Variants in LIFR observed in about 807,000 individuals in gnomAD.
LIFR encodes the protein leukemia inhibitory factor receptor.
LIFR carries 84 observed loss-of-function variants against 122.2 expected under a neutral mutation model. The ratio of observed to expected loss-of-function variants is 0.69; its 90% CI spans 0.58 to 0.82. The LOEUF is 0.82. Among genes scored for constraint, LIFR ranks in the 40% least tolerant of loss-of-function variants. The pLI is 0.00. For missense variants in LIFR, 1,294 were observed against 1,311.6 expected, an observed-to-expected ratio of 0.99 and a Z score of 0.21; for synonymous variants, 422 against 434.7, an observed-to-expected ratio of 0.97 and a Z score of 0.36.
intron 7 of LIFR, among the ~76,000 whole-genome samples, chr5:38,507,555 C>G (rs1256263022): frequency 1.9e-5 from 2 of 103,442 alleles, no homozygotes; most frequent in Non-Finnish European, 3.9e-5. Flanking sequence ...CAGAGCGATA[C>G]TCCGTCTCAA....
intron 1 of LIFR, among the ~76,000 whole-genome samples, chr5:38,592,245 A>C (rs1178940020): frequency 6.6e-6 from 1 of 152,174 alleles, no homozygotes; most frequent in African/African-American, 2.4e-5. Flanking sequence ...GGGAGTATAG[A>C]GTTTTAAACA....
chr5:38,542,102 A>C (rs935342990), intron 1 of LIFR, among the ~76,000 whole-genome samples: 5 of 152,192 alleles, frequency 3.3e-5, no homozygotes, highest in African/African-American at 1.2e-4. Context: ...TGAAACATAA[A>C]TTATGATTGT....
intron 5 of LIFR, 82 bp downstream of exon 5, chr5:38,523,337 A>G: frequency 8.9e-7 from 1 of 1,124,160 alleles, no homozygotes; most frequent in Non-Finnish European, 1.3e-6. Flanking sequence ...CCAAAAGTTC[A>G]CTGATACCAC....
rs535694856 is a variant in LIFR, at chr5:38,526,917, G to C, written c.397+238C>G. On this transcript the variant is annotated intron_variant, in intron 4 of 19. Coordinates refer to ENST00000453190, the MANE Select transcript of LIFR (RefSeq NM_001127671.2). ...CTGGAAGGTACGCAGGAGTCAAGGG[G>C]GCTAAAGAAAGAGTATGGAACTGAG... 4.9e-4 allele frequency among the ~76,000 whole-genome samples: 74 copies of C among 152,218 alleles called. 1 individual carries two copies. The South Asian group carries it at 0.014, about 29-fold the overall frequency.
chr5:38,541,435 G>T (rs748946446), intron 1 of LIFR, among the ~76,000 whole-genome samples: 1 of 152,120 alleles, frequency 6.6e-6, no homozygotes, highest in Non-Finnish European at 1.5e-5. Context: ...GAAAAGCAAG[G>T]ATCAGAAACA....
At chr5:38,600,264 C>A (rs1356505690), upstream of LIFR, among the ~76,000 whole-genome samples, 1 of 152,100 alleles carries the variant, frequency 6.6e-6, no homozygotes. Context: ...TGTATGAAAC[C>A]AAGCTGTACC....
Position 38,505,958 on chromosome 5 carries a change from T to C in LIFR, c.1238A>G (p.His413Arg), listed in dbSNP as rs1327457181. The C allele has an allele frequency of 6.2e-7, 1 of 1,611,078 alleles. No homozygotes were observed. Among genetic ancestry groups the C allele is most frequent in the Admixed American group, 1.7e-5 (1 of 59,928 alleles). Residue 413 changes from histidine to arginine, a missense_variant, in exon 9 of 20, where the codon CAC (histidine) becomes CGC (arginine). Coordinates refer to ENST00000453190, the MANE Select transcript of LIFR (RefSeq NM_001127671.2). ...TGATTGTGATCGACCCAGCGGATTG[T>C]GAGCATTCAAAGTAAAATTATATAT... is the stretch of plus-strand genomic sequence containing the variant. ...QEIYNFTLNA[H>R]NPLGRSQSTI...
At position 38,482,058 on chromosome 5, in the gene LIFR, T is replaced by C. The variant is rs1239441246; in HGVS notation, c.2831A>G (p.His944Arg). Residue 944 changes from histidine to arginine, a missense_variant, in exon 20 of 20, where the codon CAT becomes CGT. His to Arg is a conservative substitution (Grantham distance 29). Transcript: ENST00000453190. ...EDRSDAEPEN[H>R]VVVSYCPPII... Reference sequence around the variant, plus strand: ...GGGTGGACAATAGGACACAACCACATGGTTTTCAGGCTCTGCATCAGAGCG... The same window carrying C: ...GGGTGGACAATAGGACACAACCACACGGTTTTCAGGCTCTGCATCAGAGCG... The C allele has an allele frequency of 3.1e-6, 5 of 1,611,058 alleles. No homozygotes were observed. Among genetic ancestry groups the C allele is most frequent in the Admixed American group, 3.3e-5 (2 of 59,732 alleles).
At chr5:38,509,113 ATG>A (rs1745655838) in intron 7 of LIFR, among the ~76,000 whole-genome samples, 1 of 152,226 alleles carries the variant, frequency 6.6e-6, no homozygotes, top group Non-Finnish European at 1.5e-5. Context: ...TTCTATTACT[ATG>A]ATAAAAGATT....
At position 38,530,832 on chromosome 5, in the gene LIFR, A is replaced by G. The variant is rs183258622; in HGVS notation, c.-19-166T>C. On this transcript the variant is annotated intron_variant, in intron 1 of 19. Coordinates refer to ENST00000453190, the MANE Select transcript of LIFR (RefSeq NM_001127671.2). Reference sequence around the variant, plus strand: ...GCTTCCCTGGCTTGTGGAGACATCAATAATTGGACACAGCTGTTGCTTTAG... The same window carrying G: ...GCTTCCCTGGCTTGTGGAGACATCAGTAATTGGACACAGCTGTTGCTTTAG... 1.2e-4 allele frequency: 81 copies of G among 649,256 alleles called. No individual in the cohort carries two copies. In the African/African-American group the frequency reaches 1.3e-3, roughly 11 times the overall value. 40.2% of individuals were successfully genotyped at this position (649,256 alleles called of 1,614,324 possible).
upstream of LIFR, among the ~76,000 whole-genome samples, chr5:38,561,602 T>C (rs1054753881): frequency 3.3e-5 from 5 of 152,248 alleles, no homozygotes; most frequent in Non-Finnish European, 5.9e-5. Flanking sequence ...AAATCCCTTT[T>C]GGAAGGATGC....
chr5:38,490,842 C>T (rs1333381268), intron 14 of LIFR: 1 of 152,180 alleles, frequency 6.6e-6, no homozygotes, highest in Non-Finnish European at 1.5e-5. Context: ...TCGTGACCCA[C>T]CCACCTTGGC....
chr5:38,496,679 A>G, intron 12 of LIFR, 84 bp from the exon 13 acceptor site: 1 of 939,100 alleles, frequency 1.1e-6, no homozygotes, highest in Non-Finnish European at 1.7e-6. Flanking sequence ...ACTGGACACT[A>G]TATTAACAAT....
Position 38,530,577 on chromosome 5 carries a change from G to A in LIFR, c.71C>T (p.Ser24Leu). Residue 24 changes from serine to leucine, a missense_variant, in exon 2 of 20, where the codon TCA (serine) becomes TTA (leucine). Physicochemically the swap from Ser to Leu is moderately radical, Grantham distance 145. Coordinates refer to ENST00000453190, the MANE Select transcript of LIFR (RefSeq NM_001127671.2). ...MVDNKRMRTA[S>L]NFQWLLSTFI... ...TGTTGATAACAGCCACTGGAAATTTGAAGCAGTCCTCATTCTTTTATTGTC... is the reference window on the plus strand; with the variant it reads ...TGTTGATAACAGCCACTGGAAATTTAAAGCAGTCCTCATTCTTTTATTGTC... 6.2e-7 allele frequency: 1 copy of A among 1,612,368 alleles called. No homozygotes were observed. Among genetic ancestry groups the A allele is most frequent in the Non-Finnish European group, 8.5e-7 (1 of 1,178,418 alleles).
intron 14 of LIFR, among the ~76,000 whole-genome samples, chr5:38,492,158 A>C (rs1435038489): frequency 6.6e-6 from 1 of 152,218 alleles, no homozygotes; most frequent in East Asian, 1.9e-4. Context: ...ATAACTCTGA[A>C]TTTGAACCTG....
chr5:38,533,455 C>T (rs973263487), intron 1 of LIFR, among the ~76,000 whole-genome samples: 3 of 152,140 alleles, frequency 2.0e-5, no homozygotes, highest in African/African-American at 7.2e-5. Flanking sequence ...AACACGGGCC[C>T]CTGAGCTTTT....
intron 1 of LIFR, among the ~76,000 whole-genome samples, chr5:38,573,596 G>A (rs1384434503): frequency 6.6e-6 from 1 of 152,146 alleles, no homozygotes. Flanking sequence ...GACCTTGTAA[G>A]TTACTGTTTA....
intron 1 of LIFR, chr5:38,594,888 C>A (rs143359664): frequency 5.1e-4 from 104 of 202,808 alleles, no homozygotes; most frequent in Admixed American, 2.9e-3. Context: ...AGTGTGCAAG[C>A]TGGATTTTCC....
At chr5:38,566,537 A>T (rs971474764) in intron 1 of LIFR, among the ~76,000 whole-genome samples, 1 of 152,238 alleles carries the variant, frequency 6.6e-6, no homozygotes, top group Non-Finnish European at 1.5e-5. Context: ...TGAGAAGTTA[A>T]TCAGAAGTTT....
Sources: gnomAD v4.1 joint callset for allele counts (sites outside exome capture counted in the v4.1 genomes callset) on GRCh38, gnomAD v4.1.1 for gene constraint, MANE v1.5 for transcripts, NCBI Gene and HGNC (gene_info 2026-07-23, HGNC 2026-07-21) for gene names.